The following METTL15 variants were observed in gnomAD, a reference collection of about 807,000 sequenced individuals.
The protein encoded by METTL15 is 12S rRNA N(4)-cytidine methyltransferase METTL15.
METTL15 carries 34 observed loss-of-function variants against 38.3 expected under a neutral mutation model. The ratio of observed to expected loss-of-function variants is 0.89; its 90% CI spans 0.68 to 1.18. The LOEUF (loss-of-function observed/expected upper bound fraction) is 1.18, where lower values mean the gene tolerates loss of function less well. Among genes scored for constraint, METTL15 ranks in the 50% most tolerant of loss-of-function variants. The probability of loss-of-function intolerance (pLI) is 0.00; values close to 1 mark genes in which losing one functional copy is unlikely to be tolerated. For synonymous variants in METTL15, 162 were observed against 170.9 expected, an observed-to-expected ratio of 0.95 and a Z score of 0.41; for missense variants, 438 against 498.4, an observed-to-expected ratio of 0.88 and a Z score of 1.15.
intron 6 of METTL15, among the ~76,000 whole-genome samples, chr11:28,483,933 C>G (rs778275714): frequency 8.6e-5 from 13 of 151,998 alleles, no homozygotes; most frequent in Non-Finnish European, 1.5e-4. Flanking sequence ...TAAGCTATAT[C>G]CAAATGGCAT....
intron 5 of METTL15, among the ~76,000 whole-genome samples, chr11:28,389,713 G>C (rs964960403): frequency 1.3e-5 from 2 of 151,726 alleles, no homozygotes; most frequent in Admixed American, 6.6e-5. Context: ...TGTCTTTATA[G>C]CAGCATGATT....
chr11:28,109,917 A>T (rs148766435), intron 1 of METTL15, among the ~76,000 whole-genome samples: 1 of 152,322 alleles, frequency 6.6e-6, no homozygotes, highest in Non-Finnish European at 1.5e-5. Context: ...CTACTGTGCC[A>T]CCTTGCTCCT....
At chr11:28,313,242 G>A (rs1370196383) in intron 6 of METTL15, among the ~76,000 whole-genome samples, 1 of 151,888 alleles carries the variant, frequency 6.6e-6, no homozygotes, top group Non-Finnish European at 1.5e-5. Flanking sequence ...AACTACCTAT[G>A]CTAGTTCTGG....
At chr11:28,231,450 T>G (rs1277649088) in intron 4 of METTL15, among the ~76,000 whole-genome samples, 3 of 151,896 alleles carry the variant, frequency 2.0e-5, no homozygotes, top group Admixed American at 1.3e-4. Flanking sequence ...TAAGGAATAC[T>G]TCTATAAAAC....
chr11:28,265,660 A>C (rs1209197565), intron 4 of METTL15, among the ~76,000 whole-genome samples: 1 of 151,906 alleles, frequency 6.6e-6, no homozygotes, highest in African/African-American at 2.4e-5. Context: ...TTTCTTTCCT[A>C]TCTAGATTCA....
chr11:28,284,834 A>AT (rs1231446523), intron 4 of METTL15, among the ~76,000 whole-genome samples: 2 of 152,096 alleles, frequency 1.3e-5, no homozygotes, highest in African/African-American at 2.4e-5. Flanking sequence ...CATGGAGAAT[A>AT]TTTTTTTATA....
chr11:28,273,651 C>G (rs1357308727), intron 4 of METTL15, among the ~76,000 whole-genome samples: 1 of 151,900 alleles, frequency 6.6e-6, no homozygotes, highest in Non-Finnish European at 1.5e-5. Context: ...ATAAAACCTA[C>G]CTAATTGTCA....
rs555239759 is a variant in METTL15, at chr11:28,359,036, A to G, written c.*259-2901A>G. On this transcript the variant is annotated intron_variant and NMD_transcript_variant, in intron 4 of 7. Transcript: ENST00000532947. ...TATGAAATGATCCTGTCACCCAGGT[A>G]GTGAGCATAGTACCCAATAGGTAGT... 4.5e-4 allele frequency among the ~76,000 whole-genome samples: 68 copies of G among 152,260 alleles called. No individual in the cohort carries two copies. In the South Asian group the frequency reaches 0.011, roughly 25 times the overall value.
At chr11:28,428,271 A>C (rs1412438402) in intron 6 of METTL15, among the ~76,000 whole-genome samples, 1 of 152,232 alleles carries the variant, frequency 6.6e-6, no homozygotes, top group African/African-American at 2.4e-5. Context: ...AGCAATTATA[A>C]CACAATGGTA....
At chr11:28,171,205 T>A (rs1850845190) in intron 3 of METTL15, among the ~76,000 whole-genome samples, 1 of 152,182 alleles carries the variant, frequency 6.6e-6, no homozygotes, top group African/African-American at 2.4e-5. Context: ...AATATTAATT[T>A]TAAAATGAGA....
At chr11:28,478,101 T>C (rs1851362489) in intron 6 of METTL15, among the ~76,000 whole-genome samples, 1 of 152,178 alleles carries the variant, frequency 6.6e-6, no homozygotes, top group African/African-American at 2.4e-5. Context: ...TTATATTTTA[T>C]TTTGTTATTT....
chr11:28,291,246 A>G (rs1565228744), intron 5 of METTL15, among the ~76,000 whole-genome samples: 1 of 151,912 alleles, frequency 6.6e-6, no homozygotes, highest in African/African-American at 2.4e-5. Context: ...GGAGTTTCAC[A>G]TGTTGTCCAG....
At chr11:28,455,105 T>G (rs1176703713) in intron 6 of METTL15, among the ~76,000 whole-genome samples, 4 of 152,188 alleles carry the variant, frequency 2.6e-5, no homozygotes, top group African/African-American at 9.7e-5. Context: ...CCATTTGGAT[T>G]TTCATCATGC....
intron 3 of METTL15, among the ~76,000 whole-genome samples, chr11:28,135,969 T>C (rs956811856): frequency 3.9e-5 from 6 of 152,238 alleles, no homozygotes; most frequent in Non-Finnish European, 7.3e-5. Context: ...CAGCTCTTCA[T>C]GAGTCCTGTA....
At chr11:28,366,486 A>G (rs1021224116) in intron 5 of METTL15, among the ~76,000 whole-genome samples, 1 of 120,406 alleles carries the variant, frequency 8.3e-6, no homozygotes, top group Non-Finnish European at 2.0e-5. Context: ...CTCAATAAAG[A>G]AGAAAAAAGT....
At chr11:28,373,781 G>C (rs1283870280) in intron 5 of METTL15, among the ~76,000 whole-genome samples, 1 of 152,046 alleles carries the variant, frequency 6.6e-6, no homozygotes, top group Admixed American at 6.6e-5. Context: ...TTTTCTTCTA[G>C]GGTTTTTCTG....
intron 3 of METTL15, among the ~76,000 whole-genome samples, chr11:28,134,136 AGCT>A (rs1168017098): frequency 5.3e-5 from 8 of 152,142 alleles, no homozygotes; most frequent in African/African-American, 1.9e-4. Context: ...TTTGCTGCTT[AGCT>A]CAGCAAGGTC....
chr11:28,365,764 T>C (rs1850179274), intron 5 of METTL15, among the ~76,000 whole-genome samples: 1 of 152,094 alleles, frequency 6.6e-6, no homozygotes, highest in Non-Finnish European at 1.5e-5. Context: ...TAACAAAAAA[T>C]GGGCCAGGCG....
intron 3 of METTL15, among the ~76,000 whole-genome samples, chr11:28,170,186 G>C (rs1333895996): frequency 6.6e-6 from 1 of 152,086 alleles, no homozygotes; most frequent in Non-Finnish European, 1.5e-5. Flanking sequence ...ACCAAGTCAC[G>C]GAGCTGTGAT....
Sources: allele counts gnomAD v4.1 joint callset (sites outside exome capture counted in the v4.1 genomes callset), GRCh38; gene constraint gnomAD v4.1.1; transcripts MANE v1.5; gene names NCBI Gene and HGNC (gene_info 2026-07-23, HGNC 2026-07-21).